CALN1: variants seen among roughly 807,000 people sequenced by gnomAD.
CALN1 encodes the protein calneuron 1, also known as calcium-binding protein 8.
Under a neutral mutation model 30.6 loss-of-function variants are expected in CALN1, and 17 were observed. That is an observed-to-expected ratio of 0.56 (90% CI 0.38 to 0.83). The LOEUF is 0.83. Among genes scored for constraint, CALN1 ranks in the 40% least tolerant of loss-of-function variants. The pLI is 0.00. For missense variants in CALN1, 291 were observed against 354.9 expected, an observed-to-expected ratio of 0.82 and a Z score of 1.45; for synonymous variants, 156 against 131.4, an observed-to-expected ratio of 1.19 and a Z score of -1.28.
intron 3 of CALN1, among the ~76,000 whole-genome samples, chr7:72,169,033 T>C (rs1788747791): frequency 6.6e-6 from 1 of 152,026 alleles, no homozygotes; most frequent in Non-Finnish European, 1.5e-5. Context: ...CTCGAACTCC[T>C]GACCTCAGGT....
intron 6 of CALN1, among the ~76,000 whole-genome samples, chr7:71,809,315 G>C (rs1215838393): frequency 6.6e-6 from 1 of 151,862 alleles, no homozygotes; most frequent in Non-Finnish European, 1.5e-5. Context: ...TCTGGTGCCT[G>C]GGACCAGCTC....
intron 5 of CALN1, among the ~76,000 whole-genome samples, chr7:71,989,921 T>C (rs903397705): frequency 1.3e-5 from 2 of 151,592 alleles, no homozygotes; most frequent in Non-Finnish European, 1.5e-5. Flanking sequence ...ACTAGGAAAA[T>C]AAAAAACCAA....
Position 72,330,024 on chromosome 7 carries a change from C to CT in CALN1, c.120-51215dup, listed in dbSNP as rs1298846588. 3.3e-5 allele frequency among the ~76,000 whole-genome samples: 5 copies of CT among 151,752 alleles called. No individual in the cohort carries two copies. The East Asian group carries it at 9.7e-4, about 29-fold the overall frequency. ...ACAAAAATTAGGTCGGGCGCAGTGG[C>CT]TTATACCTGTAATCCCAGCACTTTG... On this transcript the variant is annotated intron_variant, in intron 2 of 6. Coordinates refer to ENST00000395275, the MANE Select transcript of CALN1 (RefSeq NM_031468.4).
chr7:72,392,367 A>G (rs1166505823), intron 2 of CALN1, among the ~76,000 whole-genome samples: 1 of 152,170 alleles, frequency 6.6e-6, no homozygotes, highest in African/African-American at 2.4e-5. Flanking sequence ...GGGGCGGTTT[A>G]TTACAAAGCA....
At chr7:72,434,246 T>C (rs2968508) in intron 1 of CALN1, among the ~76,000 whole-genome samples, 28,446 of 150,306 alleles carry the variant, frequency 0.19, 2,909 homozygotes, top group Non-Finnish European at 0.23. Context: ...CTCATGCCTG[T>C]AATCCCAGCA....
chr7:72,328,395 C>G (rs1372667190), intron 2 of CALN1, among the ~76,000 whole-genome samples: 3 of 152,174 alleles, frequency 2.0e-5, no homozygotes, highest in African/African-American at 7.2e-5. Context: ...CTCTTTCCTG[C>G]CATCATGGAA....
chr7:72,218,618 T>A (rs1284544033), intron 3 of CALN1, among the ~76,000 whole-genome samples: 1 of 152,124 alleles, frequency 6.6e-6, no homozygotes, highest in Admixed American at 6.5e-5. Context: ...TTGAAGAAGT[T>A]TCCAAAACCG....
intron 2 of CALN1, among the ~76,000 whole-genome samples, chr7:72,327,655 G>A (rs921463512): frequency 6.6e-6 from 1 of 152,148 alleles, no homozygotes; most frequent in African/African-American, 2.4e-5. Flanking sequence ...AAAAGTGCAC[G>A]CGATTTGTAA....
At chr7:72,166,895 T>C (rs1251860280) in intron 3 of CALN1, among the ~76,000 whole-genome samples, 1 of 152,012 alleles carries the variant, frequency 6.6e-6, no homozygotes, top group East Asian at 1.9e-4. Flanking sequence ...ATACACAAAT[T>C]AGCCTGGCAT....
At chr7:72,038,520 T>C (rs746694083) in intron 4 of CALN1, among the ~76,000 whole-genome samples, 6 of 151,802 alleles carry the variant, frequency 4.0e-5, no homozygotes, top group Non-Finnish European at 7.4e-5. Flanking sequence ...GTGTCAGAGG[T>C]GTTTGAACCA....
intron 5 of CALN1, among the ~76,000 whole-genome samples, chr7:71,833,858 T>A (rs1039717916): frequency 1.3e-5 from 2 of 152,032 alleles, no homozygotes; most frequent in African/African-American, 4.8e-5. Context: ...GGCTGAGCTA[T>A]GATTGTGCTA....
intron 3 of CALN1, among the ~76,000 whole-genome samples, chr7:72,221,508 T>A (rs953621850): frequency 2.0e-5 from 3 of 151,910 alleles, no homozygotes; most frequent in African/African-American, 7.3e-5. Flanking sequence ...GGTCACAGCT[T>A]TAAAAAACAA....
chr7:71,827,991 ATG>A (rs1180493527), intron 5 of CALN1, among the ~76,000 whole-genome samples: 3 of 152,186 alleles, frequency 2.0e-5, no homozygotes, highest in Non-Finnish European at 4.4e-5. Flanking sequence ...AGATGAGGGC[ATG>A]TGTTTCCACA....
intron 5 of CALN1, among the ~76,000 whole-genome samples, chr7:71,953,295 C>T (rs57607308): frequency 0.16 from 24,630 of 152,080 alleles, 2,256 homozygotes; most frequent in East Asian, 0.48. Flanking sequence ...TTGGTGCCCA[C>T]GGCTTCTCTC....
chr7:71,890,918 TG>T (rs1793206388), intron 5 of CALN1, among the ~76,000 whole-genome samples: 1 of 151,968 alleles, frequency 6.6e-6, no homozygotes, highest in Non-Finnish European at 1.5e-5. Flanking sequence ...AGCTCATTTT[TG>T]TATGTTTGGT....
At chr7:72,307,186 G>C (rs1200427167) in intron 2 of CALN1, among the ~76,000 whole-genome samples, 1 of 152,136 alleles carries the variant, frequency 6.6e-6, no homozygotes, top group African/African-American at 2.4e-5. Context: ...AAAGGTACAG[G>C]ACCTCTGGAG....
At chr7:71,825,650 G>A (rs566413405) in intron 5 of CALN1, among the ~76,000 whole-genome samples, 35 of 152,196 alleles carry the variant, frequency 2.3e-4, no homozygotes, top group Non-Finnish European at 3.8e-4. Flanking sequence ...AGAGACAGAC[G>A]TACCTTGGAC....
intron 2 of CALN1, among the ~76,000 whole-genome samples, chr7:72,380,431 T>C (rs953415995): frequency 1.3e-5 from 2 of 152,200 alleles, no homozygotes; most frequent in African/African-American, 4.8e-5. Context: ...CAGGCCTGCC[T>C]GGACAACATA....
At chr7:72,089,335 T>C (rs552554431) in intron 4 of CALN1, among the ~76,000 whole-genome samples, 2 of 152,050 alleles carry the variant, frequency 1.3e-5, no homozygotes, top group South Asian at 4.2e-4. Context: ...GTTGGGTGGA[T>C]AATATAAAAA....
Sources: gnomAD v4.1 joint callset for allele counts (sites outside exome capture counted in the v4.1 genomes callset) on GRCh38, gnomAD v4.1.1 for gene constraint, MANE v1.5 for transcripts, NCBI Gene and HGNC (gene_info 2026-07-23, HGNC 2026-07-21) for gene names.